The following ST8SIA1 variants were observed in gnomAD, a reference collection of about 807,000 sequenced individuals.
ST8SIA1 encodes ST8 alpha-N-acetyl-neuraminide alpha-2,8-sialyltransferase 1.
In ST8SIA1, 16 loss-of-function variants were observed where a neutral mutation model predicts 35.9. That is an observed-to-expected ratio of 0.45 (90% confidence interval 0.30 to 0.68). ST8SIA1 has a LOEUF of 0.68. ST8SIA1 is among the 30% of genes least tolerant of loss of function. ST8SIA1 has a pLI of 0.09. For synonymous variants in ST8SIA1, 170 were observed against 169.6 expected, an observed-to-expected ratio of 1.00 and a Z score of -0.02; for missense variants, 383 against 453.6, an observed-to-expected ratio of 0.84 and a Z score of 1.41.
chr12:22,211,194 C>A (rs1348070634), intron 4 of ST8SIA1, among the ~76,000 whole-genome samples: 1 of 152,206 alleles, frequency 6.6e-6, no homozygotes, highest in Non-Finnish European at 1.5e-5. Context: ...CTGCAACCCT[C>A]CAGGAACTTT....
At position 22,197,635 on chromosome 12, in the gene ST8SIA1, C is replaced by T. The variant is rs1302573790; in HGVS notation, c.*3917G>A. ...ACTCTTGTAAAGCCTTTGACTAATC[C>T]AAGGGTATTTTTGGCAAATTTAAAA... On this transcript the variant is annotated 3_prime_UTR_variant, in exon 5 of 5. Coordinates refer to ENST00000396037, the MANE Select transcript of ST8SIA1 (RefSeq NM_003034.4). The T allele has an allele frequency of 2.0e-5, 3 of 152,038 alleles. No individual in the cohort carries two copies. Among genetic ancestry groups the T allele is most frequent in the Admixed American group, 2.0e-4 (3 of 15,258 alleles). The allele number at this position is 152,038 out of a possible 1,614,324, so 9.4% of individuals were successfully genotyped here.
chr12:22,244,993 C>T (rs149624461), intron 4 of ST8SIA1, among the ~76,000 whole-genome samples: 8 of 152,188 alleles, frequency 5.3e-5, no homozygotes, highest in East Asian at 1.9e-4. Flanking sequence ...TCTTTCACTG[C>T]TCAGTTGGTT....
chr12:22,251,796 T>C (rs1034147652), intron 3 of ST8SIA1, among the ~76,000 whole-genome samples: 1 of 152,210 alleles, frequency 6.6e-6, no homozygotes, highest in Non-Finnish European at 1.5e-5. Flanking sequence ...TAATGAGAAG[T>C]GAATATTCTT....
chr12:22,267,110 ACT>A (rs1865858428), intron 2 of ST8SIA1, among the ~76,000 whole-genome samples: 1 of 152,184 alleles, frequency 6.6e-6, no homozygotes, highest in Non-Finnish European at 1.5e-5. Flanking sequence ...TATACCAGTC[ACT>A]GTATGAGATG....
chr12:22,278,901 C>T (rs1231519080), intron 2 of ST8SIA1, among the ~76,000 whole-genome samples: 2 of 152,158 alleles, frequency 1.3e-5, no homozygotes, highest in Admixed American at 1.3e-4. Flanking sequence ...GCCCATCTAT[C>T]CTAAATTTTC....
chr12:22,281,491 A>G (rs1866033362), intron 2 of ST8SIA1, among the ~76,000 whole-genome samples: 1 of 152,206 alleles, frequency 6.6e-6, no homozygotes, highest in Non-Finnish European at 1.5e-5. Context: ...CTAGATTCCT[A>G]TAACAAAGAA....
chr12:22,256,981 C>A (rs374827483), intron 2 of ST8SIA1, among the ~76,000 whole-genome samples: 41 of 152,260 alleles, frequency 2.7e-4, no homozygotes, highest in African/African-American at 9.4e-4. Flanking sequence ...TTTGTTTATT[C>A]CACAAGTATT....
At chr12:22,274,547 C>A (rs914284289) in intron 2 of ST8SIA1, among the ~76,000 whole-genome samples, 1 of 152,052 alleles carries the variant, frequency 6.6e-6, no homozygotes, top group Non-Finnish European at 1.5e-5. Context: ...ATAAGAATAG[C>A]GAAAAGAAAT....
chr12:22,217,702 A>G (rs889651171), intron 4 of ST8SIA1, among the ~76,000 whole-genome samples: 1 of 152,218 alleles, frequency 6.6e-6, no homozygotes, highest in Non-Finnish European at 1.5e-5. Flanking sequence ...CTGGCACATA[A>G]TAAGTCTTAC....
chr12:22,280,023 G>C (rs55928619), intron 2 of ST8SIA1, among the ~76,000 whole-genome samples: 2 of 152,158 alleles, frequency 1.3e-5, no homozygotes, highest in Non-Finnish European at 1.5e-5. Flanking sequence ...CTCTGAAAAC[G>C]TTCTCTGTGC....
chr12:22,211,782 G>C (rs1565567849), intron 4 of ST8SIA1, among the ~76,000 whole-genome samples: 1 of 152,158 alleles, frequency 6.6e-6, no homozygotes, highest in Non-Finnish European at 1.5e-5. Flanking sequence ...TGCAATGTAG[G>C]TTCACTGCAA....
intron 1 of ST8SIA1, among the ~76,000 whole-genome samples, chr12:22,308,365 A>T (rs1199734134): frequency 6.6e-6 from 1 of 152,212 alleles, no homozygotes; most frequent in Non-Finnish European, 1.5e-5. Flanking sequence ...TACTATTAAC[A>T]GTTTTCTCAG....
chr12:22,332,971 A>C (rs1234985814), intron 1 of ST8SIA1, among the ~76,000 whole-genome samples: 27 of 152,114 alleles, frequency 1.8e-4, no homozygotes, highest in Non-Finnish European at 1.5e-5. Context: ...CAGAGACTAA[A>C]GGTGAAAGGG....
chr12:22,206,067 G>A (rs903969820), intron 4 of ST8SIA1, among the ~76,000 whole-genome samples: 6 of 151,962 alleles, frequency 3.9e-5, no homozygotes, highest in African/African-American at 7.3e-5. Context: ...GTTACAAGAC[G>A]CAAATTGAAT....
At chr12:22,249,269 A>C (rs1591834457) in intron 3 of ST8SIA1, among the ~76,000 whole-genome samples, 171 bp from the exon 4 acceptor site, 1 of 137,294 alleles carries the variant, frequency 7.3e-6, no homozygotes, top group Non-Finnish European at 1.5e-5. Flanking sequence ...CCCAGGCTGG[A>C]GTACAGTGGT....
intron 1 of ST8SIA1, among the ~76,000 whole-genome samples, chr12:22,295,648 C>T (rs1866234771): frequency 6.6e-6 from 1 of 152,088 alleles, no homozygotes; most frequent in South Asian, 2.1e-4. Flanking sequence ...TGGAGGATTG[C>T]TTGAGCCCAG....
At chr12:22,255,063 G>A (rs553124307) in intron 3 of ST8SIA1, among the ~76,000 whole-genome samples, 39 of 152,108 alleles carry the variant, frequency 2.6e-4, no homozygotes, top group African/African-American at 8.0e-4. Flanking sequence ...TCTCTGTTCC[G>A]CCTGAGCCTT....
At chr12:22,297,420 CT>C (rs1040869932) in intron 1 of ST8SIA1, among the ~76,000 whole-genome samples, 2 of 151,048 alleles carry the variant, frequency 1.3e-5, no homozygotes, top group African/African-American at 4.9e-5. Context: ...CTAATTGTCT[CT>C]TTCATGATTC....
At chr12:22,251,953 G>A (rs1172361932) in intron 3 of ST8SIA1, among the ~76,000 whole-genome samples, 1 of 152,172 alleles carries the variant, frequency 6.6e-6, no homozygotes, top group East Asian at 1.9e-4. Context: ...CCAAAATTAT[G>A]TTCCCTCATT....
Sources: gnomAD v4.1 joint callset for allele counts (sites outside exome capture counted in the v4.1 genomes callset) on GRCh38, gnomAD v4.1.1 for gene constraint, MANE v1.5 for transcripts, NCBI Gene and HGNC (gene_info 2026-07-23, HGNC 2026-07-21) for gene names.